Variants in EDC3 observed in about 807,000 individuals in gnomAD.
EDC3 encodes enhancer of mRNA decapping 3.
In EDC3, 20 loss-of-function variants were observed where a neutral mutation model predicts 41.8. The ratio of observed to expected loss-of-function variants is 0.48; its 90% CI spans 0.34 to 0.70. EDC3 has a LOEUF of 0.70. Ranked by LOEUF, EDC3 falls within the 30% of genes least tolerant of loss-of-function variation. EDC3 has a pLI of 0.01. For missense variants in EDC3, 444 were observed against 636.8 expected (o/e 0.70, Z 3.26); for synonymous variants, 206 against 243.2 (o/e 0.85, Z 1.42).
chr15:74,654,708 A>G (rs76203030), intron 4 of EDC3, among the ~76,000 whole-genome samples: 1 of 145,256 alleles, frequency 6.9e-6, no homozygotes, highest in Non-Finnish European at 1.5e-5. Context: ...CAGTTGGCCT[A>G]TTTTTTTTTT....
chr15:74,677,885 A>G lies in EDC3; in HGVS notation c.-18-2743T>C, dbSNP rs537103040. 1.6e-4 allele frequency among the ~76,000 whole-genome samples: 24 copies of G among 152,306 alleles called. No homozygotes were observed. In the South Asian group the frequency reaches 4.8e-3, roughly 30 times the overall value. ...TGAATGGATGAATGAACTATGGCAC[A>G]CCCAGACAGTGGAATACTATTCAGC... On this transcript the variant is annotated intron_variant, in intron 1 of 6. Transcript: ENST00000315127.
intron 4 of EDC3, among the ~76,000 whole-genome samples, chr15:74,652,630 G>A (rs2062495038): frequency 6.6e-6 from 1 of 151,922 alleles, no homozygotes; most frequent in Admixed American, 6.5e-5. Context: ...CACCCAGGCT[G>A]GAGTACAGTG....
At chr15:74,656,770 G>A (rs1050638068) in intron 3 of EDC3, among the ~76,000 whole-genome samples, 7 of 152,128 alleles carry the variant, frequency 4.6e-5, no homozygotes, top group African/African-American at 1.7e-4. Context: ...ACCACCCATG[G>A]CTCTGCCCCC....
chr15:74,677,169 T>A (rs2062815051), intron 1 of EDC3: 1 of 151,808 alleles, frequency 6.6e-6, no homozygotes, highest in Non-Finnish European at 1.5e-5. Context: ...TTCAAGCAAT[T>A]CTCCTGCCTC....
chr15:74,669,937 T>C (rs2062720501), intron 3 of EDC3, among the ~76,000 whole-genome samples: 1 of 151,636 alleles, frequency 6.6e-6, no homozygotes, highest in African/African-American at 2.4e-5. Flanking sequence ...TCCGCCTCCC[T>C]GGCTCAAGCC....
intron 1 of EDC3, among the ~76,000 whole-genome samples, chr15:74,690,748 A>G (rs1444609097): frequency 6.6e-6 from 1 of 152,174 alleles, no homozygotes; most frequent in Non-Finnish European, 1.5e-5. Flanking sequence ...GGAGTTTCAG[A>G]CCAGCCTGGA....
intron 1 of EDC3, among the ~76,000 whole-genome samples, chr15:74,681,389 G>C (rs2062868887): frequency 6.6e-6 from 1 of 151,726 alleles, no homozygotes; most frequent in African/African-American, 2.4e-5. Context: ...CTGACCCCAT[G>C]ATCCACCCAC....
At chr15:74,670,010 ATTTTTTTTTTTTTT>A (rs757043746) in intron 3 of EDC3, among the ~76,000 whole-genome samples, 23,859 of 116,542 alleles carry the variant, frequency 0.2, 3,122 homozygotes, top group East Asian at 0.44. Flanking sequence ...CGCCCAGCTA[ATTTTTTTTTTTTTT>A]TTTTTTTTTT....
intron 3 of EDC3, among the ~76,000 whole-genome samples, chr15:74,663,591 T>C (rs752612925): frequency 8.0e-5 from 12 of 150,018 alleles, no homozygotes; most frequent in African/African-American, 2.9e-4. Context: ...TTTTAAAAAA[T>C]CCAAAATCTG....
At chr15:74,667,565 T>C (rs1156977896) in intron 3 of EDC3, among the ~76,000 whole-genome samples, 3 of 146,708 alleles carry the variant, frequency 2.0e-5, no homozygotes, top group Non-Finnish European at 4.5e-5. Context: ...TGTGAGAAAG[T>C]ACCTAAGTAC....
chr15:74,679,303 C>A (rs748755453), intron 1 of EDC3, among the ~76,000 whole-genome samples: 1 of 152,078 alleles, frequency 6.6e-6, no homozygotes, highest in Non-Finnish European at 1.5e-5. Flanking sequence ...AGAAAAAGAT[C>A]AACATCCTGC....
At chr15:74,670,512 C>A (rs1258139553) in intron 3 of EDC3, among the ~76,000 whole-genome samples, 1 of 152,182 alleles carries the variant, frequency 6.6e-6, no homozygotes, top group African/African-American at 2.4e-5. Flanking sequence ...TCACTGCAAC[C>A]TCTGCCTCCT....
chr15:74,647,241 C>G (rs1429862011), intron 4 of EDC3, among the ~76,000 whole-genome samples: 1 of 152,048 alleles, frequency 6.6e-6, no homozygotes, highest in East Asian at 1.9e-4. Context: ...AACTCCTGAC[C>G]TCAAGTGATC....
chr15:74,681,841 G>T (rs1169811543), intron 1 of EDC3, among the ~76,000 whole-genome samples: 2 of 152,102 alleles, frequency 1.3e-5, no homozygotes, highest in Admixed American at 6.5e-5. Flanking sequence ...CTAGGGCTAG[G>T]CAAAGAGTTC....
intron 3 of EDC3, among the ~76,000 whole-genome samples, chr15:74,665,649 C>G (rs188167942): frequency 6.6e-6 from 1 of 152,154 alleles, no homozygotes; most frequent in Non-Finnish European, 1.5e-5. Context: ...CCCACTCCCA[C>G]CCGAAAAGAG....
intron 4 of EDC3, chr15:74,640,897 C>T: frequency 2.3e-6 from 1 of 437,082 alleles, no homozygotes; most frequent in East Asian, 4.7e-5. Flanking sequence ...GCCAAATCTA[C>T]CAGGATATAT....
At chr15:74,648,546 AG>A (rs1452629200) in intron 4 of EDC3, among the ~76,000 whole-genome samples, 1 of 152,222 alleles carries the variant, frequency 6.6e-6, no homozygotes, top group Non-Finnish European at 1.5e-5. Context: ...CTCCCTTCCT[AG>A]CAGAAACCAG....
chr15:74,674,173 T>G (rs559850375), intron 2 of EDC3, among the ~76,000 whole-genome samples: 39 of 152,278 alleles, frequency 2.6e-4, no homozygotes, highest in Non-Finnish European at 1.5e-4. Flanking sequence ...GGTGCTATCA[T>G]AGCTCACTGC....
chr15:74,645,570 G>A lies in EDC3; in HGVS notation c.821-4951C>T, dbSNP rs181322662. Among the ~76,000 whole-genome samples the A allele has an allele frequency of 1.5e-3, 219 of 146,588 alleles. 7 individuals carry two copies. The highest frequency in any genetic ancestry group is 5.2e-3 in the African/African-American group (204 of 39,590). On this transcript the variant is annotated intron_variant, in intron 4 of 6. Coordinates refer to ENST00000315127, the MANE Select transcript of EDC3 (RefSeq NM_025083.5). ...TTTTTTCAATAAAAAAAGTTGGGGG[G>A]GGGGGGGTGCCAGGCAGGTGGCTCA... is the stretch of plus-strand genomic sequence containing the variant.
Sources: allele counts gnomAD v4.1 joint callset (sites outside exome capture counted in the v4.1 genomes callset), GRCh38; gene constraint gnomAD v4.1.1; transcripts MANE v1.5; gene names NCBI Gene and HGNC (gene_info 2026-07-23, HGNC 2026-07-21).